Variants in KCNIP4 observed in about 807,000 individuals in gnomAD.
The protein encoded by KCNIP4 is potassium voltage-gated channel interacting protein 4.
A neutral mutation model predicts 34.0 loss-of-function variants in KCNIP4; 12 were observed. That is an observed-to-expected ratio of 0.35 (90% CI 0.23 to 0.57). The LOEUF (loss-of-function observed/expected upper bound fraction) is 0.57. KCNIP4 is among the 20% of genes least tolerant of loss of function. The pLI, the probability that KCNIP4 is intolerant of heterozygous loss-of-function variation, is 0.83. For synonymous variants in KCNIP4, 124 were observed against 102.2 expected, an observed-to-expected ratio of 1.21 and a Z score of -1.29; for missense variants, 238 against 311.7, an observed-to-expected ratio of 0.76 and a Z score of 1.78.
At chr4:21,793,176 C>T (rs7696243) in intron 1 of KCNIP4, among the ~76,000 whole-genome samples, 55,247 of 152,088 alleles carry the variant, frequency 0.36, 11,433 homozygotes, top group East Asian at 0.64. Context: ...TTTGTATACC[C>T]AGCAAATATA....
At chr4:21,121,383 T>C (rs1023265315) in intron 1 of KCNIP4, among the ~76,000 whole-genome samples, 1 of 152,266 alleles carries the variant, frequency 6.6e-6, no homozygotes, top group Non-Finnish European at 1.5e-5. Context: ...GAAATTTTAC[T>C]TGATGGTATG....
chr4:21,515,445 T>C (rs1734673779), intron 1 of KCNIP4, among the ~76,000 whole-genome samples: 1 of 152,064 alleles, frequency 6.6e-6, no homozygotes, highest in East Asian at 1.9e-4. Flanking sequence ...GAGACCATCC[T>C]GGTTAACACG....
intron 1 of KCNIP4, among the ~76,000 whole-genome samples, chr4:21,283,562 T>A (rs911337750): frequency 1.3e-5 from 2 of 148,846 alleles, no homozygotes; most frequent in Admixed American, 6.8e-5. Context: ...CGACCATAAG[T>A]TTTTACAGAC....
intron 1 of KCNIP4, among the ~76,000 whole-genome samples, chr4:21,111,927 C>A (rs1198935401): frequency 1.3e-5 from 2 of 152,196 alleles, no homozygotes; most frequent in African/African-American, 4.8e-5. Context: ...TGGAATCAGG[C>A]TTCTGATACC....
chr4:21,222,810 T>C lies in KCNIP4; in HGVS notation c.62-340101A>G, dbSNP rs150052299. Reference sequence around the variant, plus strand: ...GTTGTACATTTTTTATGCCAGTTTTTCACATAAGGACAGAATCACAGTTGT... The same window carrying C: ...GTTGTACATTTTTTATGCCAGTTTTCCACATAAGGACAGAATCACAGTTGT... On this transcript the variant is annotated intron_variant, in intron 1 of 8. Transcript: ENST00000382152. Among the ~76,000 whole-genome samples, 608 of 152,324 alleles carry C rather than the reference T, an allele frequency of 4.0e-3. 1 individual carries two copies. The highest frequency in any genetic ancestry group is 6.7e-3 in the Non-Finnish European group (454 of 68,030).
intron 5 of KCNIP4, among the ~76,000 whole-genome samples, chr4:20,742,112 T>C (rs766907732): frequency 6.6e-6 from 1 of 152,186 alleles, no homozygotes; most frequent in Non-Finnish European, 1.5e-5. Context: ...CAGGACCAGA[T>C]GGATTCACAG....
chr4:20,876,027 T>C (rs1268681667), intron 2 of KCNIP4, among the ~76,000 whole-genome samples: 2 of 152,202 alleles, frequency 1.3e-5, no homozygotes, highest in African/African-American at 4.8e-5. Context: ...CCTTGTCATA[T>C]TCATGCTCCC....
chr4:21,157,949 AAAAG>A (rs1753269274), intron 1 of KCNIP4, among the ~76,000 whole-genome samples: 2 of 152,166 alleles, frequency 1.3e-5, no homozygotes, highest in South Asian at 4.1e-4. Flanking sequence ...TAATCAGAAA[AAAAG>A]AGAGAAAATA....
chr4:20,888,116 A>C (rs1725519105), intron 1 of KCNIP4, among the ~76,000 whole-genome samples: 1 of 152,016 alleles, frequency 6.6e-6, no homozygotes, highest in Non-Finnish European at 1.5e-5. Context: ...ACTCCAATAG[A>C]GGAATTAAAA....
chr4:21,611,234 T>C (rs1348331128), intron 1 of KCNIP4, among the ~76,000 whole-genome samples: 2 of 152,218 alleles, frequency 1.3e-5, no homozygotes, highest in Non-Finnish European at 2.9e-5. Context: ...GGCATTTGGG[T>C]TGGTTCCAAG....
At position 21,528,805 on chromosome 4, in the gene KCNIP4, AAGGAAGG is replaced by A. The variant is rs1425240320; in HGVS notation, c.61+419759_61+419765del. Among the ~76,000 whole-genome samples, 3 of 60,556 alleles carry A rather than the reference AAGGAAGG, an allele frequency of 5.0e-5. 1 individual carries two copies. Among genetic ancestry groups the A allele is most frequent in the African/African-American group, 1.8e-4 (3 of 16,562 alleles). The allele number at this position is 60,556 out of a possible 152,430, so 39.7% of individuals were successfully genotyped here. ...GAAGAAAGGAAGAAAGGAAGAAAGGAAGGAAGGAAGGAAGGAAGGAAGGAAGGAAGGA... is the reference window on the plus strand; with the variant it reads ...GAAGAAAGGAAGAAAGGAAGAAAGGAAAGGAAGGAAGGAAGGAAGGAAGGA... On this transcript the variant is annotated intron_variant, in intron 1 of 8. Transcript: ENST00000382152.
At chr4:21,070,261 T>C (rs530879132) in intron 1 of KCNIP4, among the ~76,000 whole-genome samples, 2 of 152,138 alleles carry the variant, frequency 1.3e-5, no homozygotes, top group Admixed American at 1.3e-4. Context: ...TTTGGTCTTG[T>C]TTTTGGCGAT....
At chr4:21,360,175 T>C (rs1719068068) in intron 1 of KCNIP4, among the ~76,000 whole-genome samples, 1 of 152,156 alleles carries the variant, frequency 6.6e-6, no homozygotes, top group Non-Finnish European at 1.5e-5. Flanking sequence ...CTTGTACTTA[T>C]TTGATTCTGG....
Position 20,729,751 on chromosome 4 carries a change from A to ATATTTTAAAATCACTGATATGT in KCNIP4, c.*309_*330dup, listed in dbSNP as rs1560395050. The ATATTTTAAAATCACTGATATGT allele has an allele frequency of 1.9e-5, 4 of 212,604 alleles. No individual in the cohort carries two copies. The highest frequency in any genetic ancestry group is 9.1e-5 in the African/African-American group (4 of 43,900). The allele number at this position is 212,604 out of a possible 1,614,324, so 13.2% of individuals were successfully genotyped here. A position where few individuals can be genotyped will look rare whatever the true frequency, so the allele number is the denominator to read the frequency against. ...TACAAATGAGTAGCAAAAAACACTGATATTTTAAAATCACTGATATGTGAA... is the reference window on the plus strand; with the variant it reads ...TACAAATGAGTAGCAAAAAACACTGATATTTTAAAATCACTGATATGTTATTTTAAAATCACTGATATGTGAA... On this transcript the variant is annotated 3_prime_UTR_variant, in exon 9 of 9. Coordinates refer to ENST00000382152, the MANE Select transcript of KCNIP4 (RefSeq NM_025221.6).
intron 1 of KCNIP4, among the ~76,000 whole-genome samples, chr4:21,534,309 A>C (rs1040665549): frequency 6.6e-6 from 1 of 152,220 alleles, no homozygotes; most frequent in African/African-American, 2.4e-5. Flanking sequence ...CTAGAAGAGC[A>C]TATCAGTAAT....
intron 1 of KCNIP4, among the ~76,000 whole-genome samples, chr4:21,902,651 G>C (rs1170255606): frequency 6.6e-6 from 1 of 152,104 alleles, no homozygotes; most frequent in Admixed American, 6.6e-5. Flanking sequence ...AGCTCTGAGA[G>C]ATCATTTGGC....
At chr4:21,112,040 TC>T (rs1749241816) in intron 1 of KCNIP4, among the ~76,000 whole-genome samples, 1 of 151,818 alleles carries the variant, frequency 6.6e-6, no homozygotes. Flanking sequence ...TATCTATCTA[TC>T]TATCTATCTA....
intron 1 of KCNIP4, among the ~76,000 whole-genome samples, chr4:20,930,323 T>G (rs1730326647): frequency 6.6e-6 from 1 of 151,952 alleles, no homozygotes. Context: ...AAGAATGAAA[T>G]TGGACCCTAA....
intron 1 of KCNIP4, among the ~76,000 whole-genome samples, chr4:21,335,070 C>G (rs1328488561): frequency 6.6e-6 from 1 of 152,070 alleles, no homozygotes; most frequent in Non-Finnish European, 1.5e-5. Context: ...CTGAAAGACC[C>G]CAGTGCAACT....
Sources: gnomAD v4.1 joint callset for allele counts (sites outside exome capture counted in the v4.1 genomes callset) on GRCh38, gnomAD v4.1.1 for gene constraint, MANE v1.5 for transcripts, NCBI Gene and HGNC (gene_info 2026-07-23, HGNC 2026-07-21) for gene names.